The following FGF23 variants were observed in gnomAD, a reference collection of about 807,000 sequenced individuals.
The protein encoded by FGF23 is phosphatonin.
FGF23 carries 8 observed loss-of-function variants against 9.0 expected under a neutral mutation model. The ratio of observed to expected loss-of-function variants is 0.89; its 90% CI spans 0.52 to 1.60. FGF23 has a LOEUF of 1.60. FGF23 is among the 40% of genes most tolerant of loss of function. The probability of loss-of-function intolerance (pLI) is 0.00; values close to 1 mark genes in which losing one functional copy is unlikely to be tolerated. For missense variants in FGF23, 311 were observed against 344.3 expected, an observed-to-expected ratio of 0.90 and a Z score of 0.77; for synonymous variants, 118 against 146.2, an observed-to-expected ratio of 0.81 and a Z score of 1.39.
In FGF23 at chr12:4,379,475, C is replaced by A; in HGVS notation, c.108G>T (p.Trp36Cys). The A allele has an allele frequency of 1.9e-6, 3 of 1,613,420 alleles. No homozygotes were observed. The highest frequency in any genetic ancestry group is 2.5e-6 in the Non-Finnish European group (3 of 1,180,014). The change falls in exon 1 of 3, where the codon TGG becomes TGT. Residue 36 changes from tryptophan (W) to cysteine (C), a missense_variant. Physicochemically the swap from Trp to Cys is radical, Grantham distance 215 (BLOSUM62 -2). Around this residue, in one of 3 missense-constraint regions of FGF23, gnomAD observed 102 missense variants for 108.2 expected, o/e 0.94. Coordinates refer to ENST00000237837, the MANE Select transcript of FGF23 (RefSeq NM_020638.3). The stretch of plus-strand genomic sequence containing the variant: ...CTGTGTACAGGTGGATCAGGCCACC[C>A]CAGCTGGAGCCGAGCAGTGGGGAGG... Reference protein sequence around the residue: ...PNASPLLGSSWGGLIHLYTAT... With the variant: ...PNASPLLGSSCGGLIHLYTAT...
At chr12:4,375,225 G>C (rs1345907563) in intron 1 of FGF23, among the ~76,000 whole-genome samples, 1 of 152,196 alleles carries the variant, frequency 6.6e-6, no homozygotes, top group Non-Finnish European at 1.5e-5. Flanking sequence ...ACATCACGTG[G>C]CGTGTTCTGA....
At chr12:4,379,017 T>C (rs1013154160) in intron 1 of FGF23, among the ~76,000 whole-genome samples, 6 of 152,206 alleles carry the variant, frequency 3.9e-5, no homozygotes. Flanking sequence ...GCCTGGCTTC[T>C]TTTTCTCTTA....
At chr12:4,374,636 C>T (rs10774226) in intron 1 of FGF23, among the ~76,000 whole-genome samples, 96,501 of 146,846 alleles carry the variant, frequency 0.66, 31,670 homozygotes, top group Middle Eastern at 0.8. Context: ...GGCGACAGAG[C>T]GAGACTCCGT....
Position 4,370,769 on chromosome 12 carries a change from C to A in FGF23, c.330G>T (p.Pro110=). Residue 110 remains proline, a synonymous_variant, in exon 3 of 3, where the codon CCG becomes CCT. Transcript: ENST00000237837. ...GNIFGSHYFD[P]ENCRFQHQTL... is the part of the protein sequence containing the mutation. ...TCTGGTGTTGGAACCTGCAGTTCTCCGGGTCGAAATAGTGCTGGAAGGACA... is the reference window on the plus strand; with the variant it reads ...TCTGGTGTTGGAACCTGCAGTTCTCAGGGTCGAAATAGTGCTGGAAGGACA... The A allele has an allele frequency of 1.2e-6, 2 of 1,614,016 alleles. No homozygotes were observed. Among genetic ancestry groups the A allele is most frequent in the Non-Finnish European group, 1.7e-6 (2 of 1,180,016 alleles).
intron 2 of FGF23, among the ~76,000 whole-genome samples, chr12:4,371,219 CT>C (rs1311323800): frequency 6.6e-6 from 1 of 152,168 alleles, no homozygotes; most frequent in Non-Finnish European, 1.5e-5. Context: ...ATGAACTTTG[CT>C]GACAGATGAG....
chr12:4,374,660 A>G (rs1035273187), intron 1 of FGF23, among the ~76,000 whole-genome samples: 5 of 151,986 alleles, frequency 3.3e-5, no homozygotes, highest in African/African-American at 9.7e-5. Context: ...AAAAAAAAAA[A>G]AAAAGAAATG....
intron 1 of FGF23, among the ~76,000 whole-genome samples, chr12:4,374,903 C>T (rs575356150): frequency 2.0e-5 from 3 of 152,266 alleles, no homozygotes; most frequent in Middle Eastern, 6.8e-3. Flanking sequence ...CTTCCCACCA[C>T]CCGGTAACAA....
chr12:4,370,876 G>A, intron 2 of FGF23, 93 bp from the exon 3 acceptor site: 1 of 1,067,616 alleles, frequency 9.4e-7, no homozygotes, highest in Non-Finnish European at 1.4e-6. Flanking sequence ...GTGCCAGCCG[G>A]CCTGAAGCTC....
At chr12:4,373,711 G>A (rs747369688) in intron 1 of FGF23, among the ~76,000 whole-genome samples, 1 of 152,172 alleles carries the variant, frequency 6.6e-6, no homozygotes, top group Non-Finnish European at 1.5e-5. Flanking sequence ...ATATACTGGT[G>A]TAACATGCGT....
At chr12:4,378,722 TTGGATGGATGGATGGATGGA>T (rs60445368) in intron 1 of FGF23, among the ~76,000 whole-genome samples, 71 of 148,338 alleles carry the variant, frequency 4.8e-4, no homozygotes, top group African/African-American at 7.7e-4. Flanking sequence ...ATTAAACCTG[TTGGATGGATGGATGGATGGA>T]TGGATGGATG....
At chr12:4,372,558 T>G in intron 2 of FGF23, 36 bp downstream of exon 2, 1 of 1,271,712 alleles carries the variant, frequency 7.9e-7, no homozygotes, top group Non-Finnish European at 1.2e-6. Context: ...AGGTTAATTG[T>G]TTGCAAATGG....
At chr12:4,376,902 A>G (rs969825987) in intron 1 of FGF23, among the ~76,000 whole-genome samples, 3 of 152,112 alleles carry the variant, frequency 2.0e-5, no homozygotes, top group Non-Finnish European at 2.9e-5. Flanking sequence ...CTCATTGAAC[A>G]GTACAAAAAG....
Position 4,370,736 on chromosome 12 carries a change from T to C in FGF23, c.363A>G (p.Glu121=). 3 of 1,614,124 alleles carry C rather than the reference T, an allele frequency of 1.9e-6. No homozygotes were observed. The highest frequency in any genetic ancestry group is 2.2e-5 in the East Asian group (1 of 44,862). The change falls in exon 3 of 3, where the codon GAA becomes GAG. Residue 121 remains glutamate, a synonymous_variant. Coordinates refer to ENST00000237837, the MANE Select transcript of FGF23 (RefSeq NM_020638.3). The part of the protein sequence containing the change: ...ENCRFQHQTL[E]NGYDVYHSPQ... ...GAGAGTGGTAGACGTCGTACCCGTT[T>C]TCCAGCGTCTGGTGTTGGAACCTGC...
chr12:4,370,707 T>C lies in FGF23; in HGVS notation c.392A>G (p.Gln131Arg). ...GCCCAGACTGACCAGGAAGTGATAC[T>C]GAGGAGAGTGGTAGACGTCGTACCC... ...ENGYDVYHSPQYHFLVSLGRA... is the reference protein window; with the variant it reads ...ENGYDVYHSPRYHFLVSLGRA... Residue 131 changes from glutamine (Q) to arginine (R), a missense_variant, in exon 3 of 3, where the codon CAG becomes CGG. This residue lies in a region of FGF23 where 206 missense variants were observed against 219.2 expected (regional missense o/e 0.94). Coordinates refer to ENST00000237837, the MANE Select transcript of FGF23 (RefSeq NM_020638.3). The C allele has an allele frequency of 6.2e-7, 1 of 1,614,068 alleles. No homozygotes were observed.
At position 4,369,209 on chromosome 12, in the gene FGF23, T is replaced by A. The variant is rs1865034354; in HGVS notation, c.*1134A>T. 1 of 231,566 alleles carries A rather than the reference T, an allele frequency of 4.3e-6. No individual in the cohort carries two copies. The highest frequency in any genetic ancestry group is 2.2e-5 in the African/African-American group (1 of 45,246). 14.3% of individuals were successfully genotyped at this position (231,566 alleles called of 1,614,324 possible). A position where few individuals can be genotyped will look rare whatever the true frequency, so the allele number is the denominator to read the frequency against. On this transcript the variant is annotated 3_prime_UTR_variant, in exon 3 of 3. Transcript: ENST00000237837. ...CACAGACAAGAGCCTGACCATGTGGTTGTCTTTTCATAACTTCTATAACAT... is the reference window on the plus strand; with the variant it reads ...CACAGACAAGAGCCTGACCATGTGGATGTCTTTTCATAACTTCTATAACAT...
In FGF23 at chr12:4,370,224, A is replaced by AGCAAATTCCATACATGCCCCTGT; in HGVS notation, c.*96_*118dup. The AGCAAATTCCATACATGCCCCTGT allele has an allele frequency of 9.5e-7, 1 of 1,050,872 alleles. No homozygotes were observed. The highest frequency in any genetic ancestry group is 1.3e-5 in the South Asian group (1 of 74,176). The allele number at this position is 1,050,872 out of a possible 1,614,324, so 65.1% of individuals were successfully genotyped here. On this transcript the variant is annotated 3_prime_UTR_variant, in exon 3 of 3. Transcript: ENST00000237837. ...CCTGTGGAAGGGACCCCAGAGAAGC[A>AGCAAATTCCATACATGCCCCTGT]GCAAATTCCATACATGCCCCTGTCA...
At chr12:4,374,969 A>C (rs986631749) in intron 1 of FGF23, among the ~76,000 whole-genome samples, 7 of 152,128 alleles carry the variant, frequency 4.6e-5, no homozygotes, top group African/African-American at 9.7e-5. Context: ...GCTAAAATAC[A>C]TGCTGCAGGC....
chr12:4,376,463 C>G (rs1865117048), intron 1 of FGF23, among the ~76,000 whole-genome samples: 1 of 152,200 alleles, frequency 6.6e-6, no homozygotes, highest in African/African-American at 2.4e-5. Context: ...AAATCCTTCA[C>G]CAGACATTTA....
chr12:4,374,809 A>AG (rs1565457223), intron 1 of FGF23, among the ~76,000 whole-genome samples: 3 of 152,076 alleles, frequency 2.0e-5, no homozygotes, highest in East Asian at 3.9e-4. Context: ...GATTATTATT[A>AG]TTATTAGTAG....
Sources: allele counts gnomAD v4.1 joint callset (sites outside exome capture counted in the v4.1 genomes callset), GRCh38; gene constraint gnomAD v4.1.1; regional missense constraint gnomAD v4.1.1; transcripts MANE v1.5; gene names NCBI Gene and HGNC (gene_info 2026-07-23, HGNC 2026-07-21).